Variants in CPSF6 observed in about 807,000 individuals in gnomAD.
CPSF6 encodes the protein cleavage and polyadenylation specific factor 6.
In CPSF6, 10 loss-of-function variants were observed where a neutral mutation model predicts 56.7. That is an observed-to-expected ratio of 0.18 (90% CI 0.11 to 0.30). CPSF6 has a LOEUF of 0.30. Among genes scored for constraint, CPSF6 ranks in the 10% least tolerant of loss-of-function variants. The pLI is 1.00. For missense variants in CPSF6, 419 were observed against 722.9 expected (o/e 0.58, Z 4.82); for synonymous variants, 248 against 244.8 (o/e 1.01, Z -0.12).
rs190847162 is a variant in CPSF6 at position 69,239,765 on chromosome 12, A to C, written c.60+59A>C. 4.1e-3 allele frequency: 6,087 copies of C among 1,481,058 alleles called. 208 individuals carry two copies. The African/African-American group carries it at 0.075, about 18-fold the overall frequency. 91.7% of individuals were successfully genotyped at this position (1,481,058 alleles called of 1,614,324 possible). On this transcript the variant is annotated intron_variant, in intron 1 of 9. Transcript: ENST00000435070. ...GGGCGGCGCTGCGGCCGGGAAGCTG[A>C]CCCGGGGCCCGCTGCGGCCGCGAGC...
At chr12:69,240,936 G>A (rs1225374925) in intron 1 of CPSF6, among the ~76,000 whole-genome samples, 1 of 152,118 alleles carries the variant, frequency 6.6e-6, no homozygotes, top group African/African-American at 2.4e-5. Context: ...GTTCCTAAAA[G>A]CCTTATTTTT....
At position 69,271,904 on chromosome 12, in the gene CPSF6, A is replaced by G. The variant is rs917055080; in HGVS notation, c.*2396A>G. 6.6e-6 allele frequency: 1 copy of G among 151,740 alleles called. No individual in the cohort carries two copies. Among genetic ancestry groups the G allele is most frequent in the Non-Finnish European group, 1.5e-5 (1 of 67,676 alleles). The allele number at this position is 151,740 out of a possible 1,614,324, so 9.4% of individuals were successfully genotyped here. ...ATAGACACCAAAAACAGTGTCTCAG[A>G]GACCTTTTCATTTTTTCCTTAGTTA... On this transcript the variant is annotated 3_prime_UTR_variant, in exon 10 of 10. Transcript: ENST00000435070.
At chr12:69,240,610 C>A (rs1223145130) in intron 1 of CPSF6, among the ~76,000 whole-genome samples, 1 of 152,092 alleles carries the variant, frequency 6.6e-6, no homozygotes, top group Admixed American at 6.5e-5. Flanking sequence ...ACGTTCACCC[C>A]AAATCCTTAT....
intron 4 of CPSF6, 108 bp from the exon 5 acceptor site, chr12:69,257,624 C>T (rs1872566784): frequency 1.5e-5 from 15 of 1,007,836 alleles, no homozygotes; most frequent in Non-Finnish European, 2.2e-5. Flanking sequence ...AGGCACAAGG[C>T]ATTTGCAAGT....
intron 3 of CPSF6, among the ~76,000 whole-genome samples, chr12:69,253,585 A>G (rs1459229888): frequency 6.6e-6 from 1 of 152,196 alleles, no homozygotes; most frequent in Non-Finnish European, 1.5e-5. Flanking sequence ...AAATACAGAT[A>G]TCTAAAAGTA....
intron 9 of CPSF6, among the ~76,000 whole-genome samples, chr12:69,263,804 G>A (rs1331393566): frequency 6.6e-6 from 1 of 151,986 alleles, no homozygotes; most frequent in Non-Finnish European, 1.5e-5. Flanking sequence ...ACAGATATAA[G>A]CTCCTACACT....
In CPSF6 at chr12:69,251,286, T is replaced by C; in HGVS notation, c.218T>C (p.Val73Ala). 1 of 1,600,862 alleles carries C rather than the reference T, an allele frequency of 6.2e-7. No homozygotes were observed. Among genetic ancestry groups the C allele is most frequent in the Non-Finnish European group, 8.6e-7 (1 of 1,169,198 alleles). ...GGTAAAGGAGCAGCACCAAATGTTG[T>C]CTATACATATACTGGAAAGAGAATT... Reference protein sequence around the residue: ...DVGKGAAPNVVYTYTGKRIAL... With the variant: ...DVGKGAAPNVAYTYTGKRIAL... Residue 73 changes from valine to alanine, a missense_variant, in exon 2 of 10, where the codon GTC becomes GCC. Coordinates refer to ENST00000435070, the MANE Select transcript of CPSF6 (RefSeq NM_007007.3).
At chr12:69,263,587 CTT>C (rs928033209) in intron 9 of CPSF6, among the ~76,000 whole-genome samples, 3 of 151,884 alleles carry the variant, frequency 2.0e-5, no homozygotes, top group Admixed American at 2.0e-4. Flanking sequence ...GGTAAATACT[CTT>C]TATGTGATTA....
At chr12:69,259,143 C>A in intron 6 of CPSF6, 49 bp downstream of exon 6, 2 of 1,529,342 alleles carry the variant, frequency 1.3e-6, no homozygotes, top group South Asian at 1.2e-5. Context: ...AAGATAGGAA[C>A]AATGACTGTA....
rs191203126 is a variant in CPSF6, at chr12:69,240,705, C to G, written c.60+999C>G. Among the ~76,000 whole-genome samples, 342 of 150,770 alleles carry G rather than the reference C, an allele frequency of 2.3e-3. 3 individuals carry two copies. Among genetic ancestry groups the G allele is most frequent in the African/African-American group, 7.5e-3 (307 of 40,822 alleles). On this transcript the variant is annotated intron_variant, in intron 1 of 9. Coordinates refer to ENST00000435070, the MANE Select transcript of CPSF6 (RefSeq NM_007007.3). ...AATCCCCCCACCCCCACCCCCGGGC[C>G]CCGTGTTACCTTTTGAAAGGTTGAG...
At chr12:69,245,497 G>T (rs563240018) in intron 1 of CPSF6, among the ~76,000 whole-genome samples, 1 of 152,126 alleles carries the variant, frequency 6.6e-6, no homozygotes, top group Non-Finnish European at 1.5e-5. Flanking sequence ...GCATCCACTG[G>T]GGGTCTTGGA....
At chr12:69,251,740 T>C (rs1872253198) in intron 2 of CPSF6, among the ~76,000 whole-genome samples, 1 of 152,166 alleles carries the variant, frequency 6.6e-6, no homozygotes, top group Non-Finnish European at 1.5e-5. Flanking sequence ...ATAGTGTCCA[T>C]TATTTAATTT....
intron 8 of CPSF6, among the ~76,000 whole-genome samples, chr12:69,261,944 G>A (rs1233500759): frequency 6.6e-6 from 1 of 152,108 alleles, no homozygotes; most frequent in Non-Finnish European, 1.5e-5. Flanking sequence ...TATGTTAAGA[G>A]GTTGTCATAT....
chr12:69,249,160 G>C (rs905826810), intron 1 of CPSF6, among the ~76,000 whole-genome samples: 1 of 72,702 alleles, frequency 1.4e-5, no homozygotes, highest in Non-Finnish European at 3.0e-5. Context: ...CTCGGGGGGG[G>C]GGGGGGGGGC....
At chr12:69,254,476 T>C (rs1426730446) in intron 3 of CPSF6, among the ~76,000 whole-genome samples, 1 of 152,210 alleles carries the variant, frequency 6.6e-6, no homozygotes, top group Non-Finnish European at 1.5e-5. Flanking sequence ...ATGACCATCT[T>C]GTGCAAAGTA....
rs560482803 is a variant in CPSF6, at chr12:69,254,244, C to T, written c.374+1090C>T. On this transcript the variant is annotated intron_variant, in intron 3 of 9. Transcript: ENST00000435070. ...GTTTCCTGTCTGTCTCATTCTTTAC[C>T]ATTGTCTACAAGGTACTTTCTGGTC... 3.5e-4 allele frequency among the ~76,000 whole-genome samples: 54 copies of T among 152,270 alleles called. 1 individual carries two copies. The Middle Eastern group carries it at 0.01, about 29-fold the overall frequency.
At chr12:69,257,943 C>A (rs776790373) in intron 5 of CPSF6, 38 bp downstream of exon 5, 5 of 1,586,976 alleles carry the variant, frequency 3.2e-6, no homozygotes, top group Non-Finnish European at 3.4e-6. Flanking sequence ...TAAAACATGT[C>A]TACCTAATAC....
chr12:69,241,576 C>T (rs548412435), intron 1 of CPSF6, among the ~76,000 whole-genome samples: 1 of 152,210 alleles, frequency 6.6e-6, no homozygotes, highest in East Asian at 1.9e-4. Context: ...CTTTTGCATA[C>T]TTAATTTGAG....
At chr12:69,242,700 C>T (rs1300750782) in intron 1 of CPSF6, among the ~76,000 whole-genome samples, 1 of 152,196 alleles carries the variant, frequency 6.6e-6, no homozygotes, top group Non-Finnish European at 1.5e-5. Context: ...TTCTGTCTCA[C>T]AGTAGCATAT....
Sources: gnomAD v4.1 joint callset for allele counts (sites outside exome capture counted in the v4.1 genomes callset) on GRCh38, gnomAD v4.1.1 for gene constraint, MANE v1.5 for transcripts, NCBI Gene and HGNC (gene_info 2026-07-23, HGNC 2026-07-21) for gene names.